The following UBAC2 variants were observed in gnomAD, a reference collection of about 807,000 sequenced individuals.
UBAC2 encodes the protein ubiquitin-associated domain-containing protein 2.
In UBAC2, 26 loss-of-function variants were observed where a neutral mutation model predicts 44.0. The observed-to-expected ratio is 0.59, with a 90% CI of 0.43 to 0.82. The LOEUF (loss-of-function observed/expected upper bound fraction) is 0.82, where lower values mean the gene tolerates loss of function less well. UBAC2 is among the 40% of genes least tolerant of loss of function. The pLI is 0.00. For synonymous variants in UBAC2, 155 were observed against 154.3 expected (o/e 1.00, Z -0.04); for missense variants, 329 against 419.4 (o/e 0.78, Z 1.88).
At chr13:99,247,873 C>CT (rs10630757) in intron 4 of UBAC2, among the ~76,000 whole-genome samples, 44,661 of 148,698 alleles carry the variant, frequency 0.3, 7,650 homozygotes, top group Non-Finnish European at 0.39. Context: ...CTCTCTCTCT[C>CT]TTTTTTTTTT....
intron 4 of UBAC2, among the ~76,000 whole-genome samples, chr13:99,274,520 C>G (rs1184026397): frequency 6.6e-6 from 1 of 151,802 alleles, no homozygotes; most frequent in Non-Finnish European, 1.5e-5. Context: ...GAAACAAGGT[C>G]TTGCTATGTT....
intron 1 of UBAC2, among the ~76,000 whole-genome samples, chr13:99,223,542 G>GTTTTTTTTTTTTTTTTTTTTTTTTTTTT (rs145143990): frequency 1.1e-4 from 7 of 62,444 alleles, no homozygotes; most frequent in African/African-American, 1.6e-4. Flanking sequence ...CTCTTTTTCT[G>GTTTTTTTTTTTTTTTTTTTTTTTTTTTT]TTTTTTTTTT....
chr13:99,247,205 T>TTG (rs1555322899), intron 4 of UBAC2, among the ~76,000 whole-genome samples: 84 of 142,628 alleles, frequency 5.9e-4, no homozygotes, highest in African/African-American at 2.2e-3. Flanking sequence ...GTTTTTTTTT[T>TTG]TTTGTTTTGT....
intron 7 of UBAC2, among the ~76,000 whole-genome samples, chr13:99,364,120 A>G (rs767630194): frequency 3.3e-5 from 5 of 151,346 alleles, no homozygotes; most frequent in Admixed American, 2.6e-4. Context: ...CTCTTTTTCT[A>G]TCTTTATGTG....
At chr13:99,318,231 G>A (rs941852270) in intron 6 of UBAC2, among the ~76,000 whole-genome samples, 162 bp downstream of exon 6, 22 of 152,006 alleles carry the variant, frequency 1.4e-4, no homozygotes, top group South Asian at 4.2e-4. Flanking sequence ...GCAATGGCTC[G>A]ATCTCAGCTC....
chr13:99,263,419 A>G (rs927314530), intron 4 of UBAC2, among the ~76,000 whole-genome samples: 9 of 152,186 alleles, frequency 5.9e-5, no homozygotes, highest in African/African-American at 1.9e-4. Context: ...ACTTTTTATT[A>G]ATAATTGGGA....
chr13:99,338,071 T>TTTTTTTTA (rs1555330450), intron 6 of UBAC2, among the ~76,000 whole-genome samples: 2 of 105,076 alleles, frequency 1.9e-5, no homozygotes, highest in Non-Finnish European at 3.8e-5. Context: ...TTTTTTTTTT[T>TTTTTTTTA]TTTTGAGACA....
At chr13:99,203,105 C>T (rs1456592358) in intron 1 of UBAC2, among the ~76,000 whole-genome samples, 1 of 151,720 alleles carries the variant, frequency 6.6e-6, no homozygotes, top group Non-Finnish European at 1.5e-5. Context: ...TGGTGGATCT[C>T]CGCTCACTGC....
At chr13:99,368,046 A>G (rs2045354946) in intron 8 of UBAC2, 140 bp downstream of exon 8, 2 of 1,121,836 alleles carry the variant, frequency 1.8e-6, no homozygotes, top group Non-Finnish European at 1.2e-6. Context: ...CATGATAGAG[A>G]CTTTGGGCTT....
At chr13:99,278,177 T>A (rs772991358) in intron 4 of UBAC2, among the ~76,000 whole-genome samples, 4 of 152,244 alleles carry the variant, frequency 2.6e-5, no homozygotes, top group African/African-American at 4.8e-5. Context: ...TATTTAGACC[T>A]ATTTAAAAGA....
intron 6 of UBAC2, among the ~76,000 whole-genome samples, chr13:99,331,627 T>G (rs569081265): frequency 6.6e-6 from 1 of 152,340 alleles, no homozygotes; most frequent in Non-Finnish European, 1.5e-5. Flanking sequence ...ATAGCAAGTC[T>G]CAGAGTAACT....
intron 2 of UBAC2, among the ~76,000 whole-genome samples, chr13:99,242,664 G>A (rs1260386629): frequency 5.1e-3 from 28 of 5,472 alleles, no homozygotes; most frequent in East Asian, 9.6e-3. Context: ...CGGACGGGGC[G>A]GCTGGCCGGG....
At chr13:99,273,886 T>C (rs935100160) in intron 4 of UBAC2, among the ~76,000 whole-genome samples, 1 of 151,844 alleles carries the variant, frequency 6.6e-6, no homozygotes, top group African/African-American at 2.4e-5. Context: ...TTTCCTGCTT[T>C]CTTTCTCTGT....
At chr13:99,201,995 C>T (rs1360698406) in intron 1 of UBAC2, among the ~76,000 whole-genome samples, 2 of 150,782 alleles carry the variant, frequency 1.3e-5, no homozygotes, top group Non-Finnish European at 3.0e-5. Context: ...ATGGCGTGAA[C>T]CCGGGAGGCG....
chr13:99,252,718 G>A (rs1293429582), intron 4 of UBAC2, among the ~76,000 whole-genome samples: 1 of 152,118 alleles, frequency 6.6e-6, no homozygotes, highest in Non-Finnish European at 1.5e-5. Flanking sequence ...TACATATTAT[G>A]TTTAAATGTA....
intron 4 of UBAC2, among the ~76,000 whole-genome samples, chr13:99,261,978 A>G (rs2043669227): frequency 6.6e-6 from 1 of 152,262 alleles, no homozygotes; most frequent in South Asian, 2.1e-4. Flanking sequence ...AATTCCAGAA[A>G]TAAACAATTC....
chr13:99,290,743 A>G (rs1193911676), intron 4 of UBAC2, among the ~76,000 whole-genome samples: 1 of 149,714 alleles, frequency 6.7e-6, no homozygotes, highest in East Asian at 1.9e-4. Context: ...AAAAAAAAAA[A>G]AGAAAGAAAG....
intron 5 of UBAC2, among the ~76,000 whole-genome samples, chr13:99,317,744 A>G (rs923161038): frequency 1.3e-5 from 2 of 152,130 alleles, no homozygotes; most frequent in African/African-American, 4.8e-5. Flanking sequence ...AAATAACATC[A>G]TACTTGGGTT....
intron 8 of UBAC2, among the ~76,000 whole-genome samples, chr13:99,380,597 A>G (rs983244288): frequency 2.6e-5 from 4 of 152,202 alleles, no homozygotes; most frequent in African/African-American, 9.7e-5. Context: ...ACTGGGGAGT[A>G]TTGGGTAAGC....
Sources: gnomAD v4.1 joint callset for allele counts (sites outside exome capture counted in the v4.1 genomes callset) on GRCh38, gnomAD v4.1.1 for gene constraint, MANE v1.5 for transcripts, NCBI Gene and HGNC (gene_info 2026-07-23, HGNC 2026-07-21) for gene names.